The following DIAPH1 variants were observed in gnomAD, a reference collection of about 807,000 sequenced individuals.
The protein encoded by DIAPH1 is diaphanous related formin 1.
DIAPH1 carries 46 observed loss-of-function variants against 140.7 expected under a neutral mutation model. The observed-to-expected ratio is 0.33, with a 90% CI of 0.26 to 0.42. DIAPH1 has a LOEUF of 0.42. DIAPH1 is among the 10% of genes least tolerant of loss of function. The pLI is 1.00. For synonymous variants in DIAPH1, 565 were observed against 551.6 expected (o/e 1.02, Z -0.34); for missense variants, 1,310 against 1,558.7 (o/e 0.84, Z 2.69).
intron 1 of DIAPH1, among the ~76,000 whole-genome samples, chr5:141,603,660 A>T (rs2099900499): frequency 6.6e-6 from 1 of 152,248 alleles, no homozygotes; most frequent in Non-Finnish European, 1.5e-5. Flanking sequence ...TTATAAATGT[A>T]AAGCAACTAA....
intron 18 of DIAPH1, among the ~76,000 whole-genome samples, chr5:141,546,910 G>T (rs2099890886): frequency 6.6e-6 from 1 of 152,208 alleles, no homozygotes; most frequent in African/African-American, 2.4e-5. Flanking sequence ...TCTCTTTTCA[G>T]AGAAAAGTAA....
At chr5:141,530,066 AGAGC>A (rs1471903534) in intron 19 of DIAPH1, among the ~76,000 whole-genome samples, 2 of 152,210 alleles carry the variant, frequency 1.3e-5, no homozygotes, top group Non-Finnish European at 2.9e-5. Flanking sequence ...CCTGAGCAAC[AGAGC>A]GAGACCCGTC....
intron 18 of DIAPH1, among the ~76,000 whole-genome samples, chr5:141,552,694 T>C (rs1562303567): frequency 3.9e-5 from 6 of 152,132 alleles, no homozygotes; most frequent in Admixed American, 2.6e-4. Flanking sequence ...ATACACTCAA[T>C]ATATATGGAA....
In DIAPH1 at chr5:141,601,188, GCACGTTGTA is replaced by G. The variant is rs1289289421; in HGVS notation, c.118-12947_118-12939del. On this transcript the variant is annotated intron_variant, in intron 1 of 27. Coordinates refer to ENST00000389054, the MANE Select transcript of DIAPH1 (RefSeq NM_005219.5). ...ACATGTATACATATGTAACAAACCTGCACGTTGTACACATACACCCTAGAACTTAAAGTA... is the reference window on the plus strand; with the variant it reads ...ACATGTATACATATGTAACAAACCTGCACATACACCCTAGAACTTAAAGTA... 1.3e-3 allele frequency among the ~76,000 whole-genome samples: 197 copies of G among 148,888 alleles called. 1 individual carries two copies. The highest frequency in any genetic ancestry group is 4.7e-3 in the African/African-American group (191 of 40,294).
chr5:141,536,120 C>T, intron 18 of DIAPH1: 1 of 424,238 alleles, frequency 2.4e-6, no homozygotes, highest in East Asian at 7.6e-5. Context: ...ACCAACATGG[C>T]AAAACCCTGT....
chr5:141,576,875 CA>C lies in DIAPH1; in HGVS notation c.1281-5del. On this transcript the variant is annotated splice_polypyrimidine_tract_variant and splice_region_variant and intron_variant, in intron 12 of 27. Coordinates refer to ENST00000389054, the MANE Select transcript of DIAPH1 (RefSeq NM_005219.5). ...AATCAACTTATAGTACTGAGGTCTACAAGAGAATAAAAACAGGGTCATCAAA... is the reference window on the plus strand; with the variant it reads ...AATCAACTTATAGTACTGAGGTCTACAGAGAATAAAAACAGGGTCATCAAA... 6.5e-7 allele frequency: 1 copy of C among 1,537,410 alleles called. No homozygotes were observed. The highest frequency in any genetic ancestry group is 9.0e-7 in the Non-Finnish European group (1 of 1,110,268).
At position 141,528,571 on chromosome 5, in the gene DIAPH1, G is replaced by C. The variant is rs1326319400; in HGVS notation, c.3030C>G (p.Thr1010=). ...NISFLCKLRD[T]KSTDQKMTLL... Reference sequence around the variant, plus strand: ...ACGTCATCTTCTGATCTGTGGACTTGGTGTCTCGAAGCTTAGAGAAAGAGG... The same window carrying C: ...ACGTCATCTTCTGATCTGTGGACTTCGTGTCTCGAAGCTTAGAGAAAGAGG... The change falls in exon 23 of 28, where the codon ACC becomes ACG. Residue 1010 remains threonine, a synonymous_variant. Transcript: ENST00000389054. The C allele has an allele frequency of 2.5e-6, 4 of 1,614,092 alleles. No homozygotes were observed. In the Admixed American group the frequency reaches 6.7e-5, roughly 27 times the overall value.
chr5:141,558,896 G>A (rs1195095475), intron 18 of DIAPH1, among the ~76,000 whole-genome samples: 2 of 136,966 alleles, frequency 1.5e-5, no homozygotes, highest in African/African-American at 2.8e-5. Flanking sequence ...CAACACAGGT[G>A]CACAAAAATC....
chr5:141,543,879 C>T (rs1562296907), intron 18 of DIAPH1, among the ~76,000 whole-genome samples: 1 of 152,176 alleles, frequency 6.6e-6, no homozygotes, highest in East Asian at 1.9e-4. Flanking sequence ...TGTATACATG[C>T]ATATAGACAA....
At chr5:141,571,360 T>G in intron 18 of DIAPH1, 68 bp downstream of exon 18, 2 of 1,295,908 alleles carry the variant, frequency 1.5e-6, no homozygotes, top group Non-Finnish European at 2.2e-6. Context: ...AGAAATTCCT[T>G]TATATCTATT....
intron 26 of DIAPH1, chr5:141,524,841 C>A (rs1224137121): frequency 1.9e-5 from 3 of 157,194 alleles, no homozygotes; most frequent in Non-Finnish European, 2.8e-5. Flanking sequence ...ACTGTGAAAT[C>A]CCAAAAAGTC....
In DIAPH1 at chr5:141,582,375, CCTGTA is replaced by C; in HGVS notation, c.621-5_621-1del. ...CATGCTTGTTCCGGCTATCGTAACT[CCTGTA>C]TATAGAAGACATAATCAGTGAGGTC... On this transcript the variant is annotated splice_acceptor_variant and splice_polypyrimidine_tract_variant and intron_variant, in intron 6 of 27. Coordinates refer to ENST00000389054, the MANE Select transcript of DIAPH1 (RefSeq NM_005219.5). LOFTEE classifies it high-confidence loss of function. The C allele has an allele frequency of 6.2e-7, 1 of 1,610,338 alleles. No individual in the cohort carries two copies. The highest frequency in any genetic ancestry group is 8.5e-7 in the Non-Finnish European group (1 of 1,176,630).
chr5:141,614,155 AAAAT>A (rs751631780), intron 1 of DIAPH1, among the ~76,000 whole-genome samples: 21 of 152,384 alleles, frequency 1.4e-4, no homozygotes, highest in Non-Finnish European at 2.2e-4. Flanking sequence ...AGTTTGTTTC[AAAAT>A]GGGGATGATT....
At chr5:141,554,521 T>A (rs1197154748) in intron 18 of DIAPH1, among the ~76,000 whole-genome samples, 2 of 152,030 alleles carry the variant, frequency 1.3e-5, no homozygotes, top group African/African-American at 2.4e-5. Flanking sequence ...ACGCAAAAAA[T>A]TTTTCCACAG....
chr5:141,538,066 T>TG (rs34100728), intron 18 of DIAPH1, among the ~76,000 whole-genome samples: 2 of 64,618 alleles, frequency 3.1e-5, no homozygotes, highest in African/African-American at 9.0e-5. Context: ...TGTTTTTTTG[T>TG]TTTTTTTTTT....
intron 1 of DIAPH1, among the ~76,000 whole-genome samples, chr5:141,604,262 T>C (rs988835018): frequency 2.0e-5 from 3 of 152,222 alleles, no homozygotes; most frequent in Admixed American, 1.3e-4. Flanking sequence ...AAGGTTCCAA[T>C]ACAACTTTTG....
chr5:141,553,780 T>C (rs2099892123), intron 18 of DIAPH1, among the ~76,000 whole-genome samples: 1 of 151,426 alleles, frequency 6.6e-6, no homozygotes, highest in African/African-American at 2.4e-5. Context: ...AATTTAAAGA[T>C]AGAGACAAGA....
chr5:141,594,555 A>T (rs1359833878), intron 1 of DIAPH1, among the ~76,000 whole-genome samples: 1 of 152,218 alleles, frequency 6.6e-6, no homozygotes, highest in Non-Finnish European at 1.5e-5. Flanking sequence ...CAGACTGGCC[A>T]ACATGGTGAA....
At chr5:141,533,063 A>C (rs1164957178) in intron 19 of DIAPH1, among the ~76,000 whole-genome samples, 7 of 152,208 alleles carry the variant, frequency 4.6e-5, no homozygotes, top group African/African-American at 1.7e-4. Flanking sequence ...GACTTTACTT[A>C]TGGGTATGTG....
Sources: gnomAD v4.1 joint callset for allele counts (sites outside exome capture counted in the v4.1 genomes callset) on GRCh38, gnomAD v4.1.1 for gene constraint, MANE v1.5 for transcripts, NCBI Gene and HGNC (gene_info 2026-07-23, HGNC 2026-07-21) for gene names.